Variants in ZNF536 observed in about 807,000 individuals in gnomAD.
ZNF536 encodes zinc finger protein 536.
A neutral mutation model predicts 84.5 loss-of-function variants in ZNF536; 13 were observed. That is an observed-to-expected ratio of 0.15 (90% CI 0.10 to 0.24). The LOEUF is 0.24. ZNF536 is among the 10% of genes least tolerant of loss of function. ZNF536 has a pLI of 1.00. For synonymous variants in ZNF536, 811 were observed against 742.5 expected, an observed-to-expected ratio of 1.09 and a Z score of -1.50; for missense variants, 1,536 against 1,747.5, an observed-to-expected ratio of 0.88 and a Z score of 2.16.
chr19:30,256,292 A>T (rs954241780), intron 1 of ZNF536, among the ~76,000 whole-genome samples: 1 of 152,232 alleles, frequency 6.6e-6, no homozygotes, highest in African/African-American at 2.4e-5. Flanking sequence ...AAGACGTCGT[A>T]TGCGATTCCT....
At chr19:30,308,747 G>C (rs924300393) in intron 2 of ZNF536, among the ~76,000 whole-genome samples, 8 of 152,304 alleles carry the variant, frequency 5.3e-5, no homozygotes, top group Admixed American at 2.6e-4. Context: ...AAGTCACTCT[G>C]TGGTCGCACA....
At chr19:30,685,147 G>T (rs878873595) in intron 1 of ZNF536, among the ~76,000 whole-genome samples, 4 of 152,190 alleles carry the variant, frequency 2.6e-5, no homozygotes, top group Non-Finnish European at 5.9e-5. Context: ...TCCTTTGGAA[G>T]AATTGGGTAA....
intron 1 of ZNF536, among the ~76,000 whole-genome samples, chr19:30,565,162 C>T (rs1395258708): frequency 6.9e-6 from 1 of 144,618 alleles, no homozygotes; most frequent in African/African-American, 2.5e-5. Context: ...GTGTAGACCC[C>T]TTTCCTTTTT....
At chr19:30,616,953 G>A (rs1282185458) in intron 1 of ZNF536, among the ~76,000 whole-genome samples, 3 of 151,944 alleles carry the variant, frequency 2.0e-5, no homozygotes, top group Admixed American at 2.0e-4. Flanking sequence ...TAAATATTGT[G>A]TTATTTTATA....
chr19:30,670,572 C>G (rs949131042), intron 1 of ZNF536, among the ~76,000 whole-genome samples: 2 of 152,252 alleles, frequency 1.3e-5, no homozygotes, highest in Non-Finnish European at 2.9e-5. Context: ...TGAGCTCCCC[C>G]GCAGACGGGT....
intron 1 of ZNF536, among the ~76,000 whole-genome samples, chr19:30,272,367 T>C (rs1253718016): frequency 1.3e-5 from 2 of 152,228 alleles, no homozygotes; most frequent in African/African-American, 4.8e-5. Flanking sequence ...TCCTCTGCTA[T>C]TAAATTTGTG....
chr19:30,500,223 A>C (rs1003467), intron 2 of ZNF536, among the ~76,000 whole-genome samples: 4,436 of 152,356 alleles, frequency 0.029, 85 homozygotes, highest in Non-Finnish European at 0.047. Context: ...ACCAAGATGC[A>C]GTGGATGGAC....
intron 2 of ZNF536, among the ~76,000 whole-genome samples, chr19:30,483,629 A>G (rs1204611984): frequency 6.6e-6 from 1 of 152,076 alleles, no homozygotes; most frequent in Non-Finnish European, 1.5e-5. Flanking sequence ...GAATCTCCAC[A>G]TTTGAGGTCT....
rs34995610 is a variant in ZNF536, at chr19:30,569,559, C to CTTTTTTTTTTTTTTTTTTTTTTT, written c.169+20053_169+20075dup. ...ATGGAATCGAAGCCAGATAAACGTTCTTTTTTTTTTTTTTTTTTTTTTTTT... is the reference window on the plus strand; with the variant it reads ...ATGGAATCGAAGCCAGATAAACGTTCTTTTTTTTTTTTTTTTTTTTTTTTTTTTTTTTTTTTTTTTTTTTTTTT... On this transcript the variant is annotated intron_variant, in intron 1 of 1. Coordinates refer to the ZNF536 transcript ENST00000592773. Among the ~76,000 whole-genome samples, 5 of 55,094 alleles carry CTTTTTTTTTTTTTTTTTTTTTTT rather than the reference C, an allele frequency of 9.1e-5. 1 individual carries two copies. Among genetic ancestry groups the CTTTTTTTTTTTTTTTTTTTTTTT allele is most frequent in the Admixed American group, 4.6e-4 (2 of 4,344 alleles). The allele number at this position is 55,094 out of a possible 152,430, so 36.1% of individuals were successfully genotyped here.
At chr19:30,281,884 C>T (rs772524262) in intron 1 of ZNF536, among the ~76,000 whole-genome samples, 17 of 152,172 alleles carry the variant, frequency 1.1e-4, no homozygotes, top group African/African-American at 3.4e-4. Flanking sequence ...CCTGGGTGGC[C>T]CCTCAGGTTG....
chr19:30,259,388 A>G (rs574424059), intron 1 of ZNF536, among the ~76,000 whole-genome samples: 1 of 152,328 alleles, frequency 6.6e-6, no homozygotes, highest in South Asian at 2.1e-4. Flanking sequence ...CCTGAGATGA[A>G]CTAGGACTGT....
Position 30,254,799 on chromosome 19 carries a change from G to C in ZNF536, c.-190+26126G>C, listed in dbSNP as rs530189391. Reference sequence around the variant, plus strand: ...AGAAGATGGTGACTAGATAAAGCCTGATCCCCACAGAAATAATTTTCATCA... The same window carrying C: ...AGAAGATGGTGACTAGATAAAGCCTCATCCCCACAGAAATAATTTTCATCA... On this transcript the variant is annotated intron_variant, in intron 1 of 5. Coordinates refer to the ZNF536 transcript ENST00000585628. Among the ~76,000 whole-genome samples the C allele has an allele frequency of 2.6e-5, 4 of 152,274 alleles. No individual in the cohort carries two copies. In the South Asian group the frequency reaches 8.3e-4, roughly 32 times the overall value.
At chr19:30,265,185 C>T (rs2025447515) in intron 1 of ZNF536, among the ~76,000 whole-genome samples, 1 of 152,104 alleles carries the variant, frequency 6.6e-6, no homozygotes, top group Non-Finnish European at 1.5e-5. Flanking sequence ...AGGGGAACAG[C>T]AGCTCCAGCC....
At position 30,635,341 on chromosome 19, in the gene ZNF536, G is replaced by A. The variant is rs534428744; in HGVS notation, c.170-75416G>A. Among the ~76,000 whole-genome samples, 96 of 152,316 alleles carry A rather than the reference G, an allele frequency of 6.3e-4. No homozygotes were observed. The South Asian group carries it at 0.02, about 32-fold the overall frequency. ...ACAGTCCAATTCTGCTCTTTTTGGA[G>A]TTTATCATTTATTTGGATTTTGTGG... On this transcript the variant is annotated intron_variant, in intron 1 of 1. Coordinates refer to the ZNF536 transcript ENST00000592773.
In ZNF536 at chr19:30,301,479, C is replaced by T. The variant is rs16964085; in HGVS notation, c.-120+17338C>T. Among the ~76,000 whole-genome samples the T allele has an allele frequency of 9.5e-3, 1,449 of 152,200 alleles. 26 individuals are homozygous for T. The highest frequency in any genetic ancestry group is 0.033 in the African/African-American group (1,387 of 41,514). ...TACAATTTAGCTTTAACAACTCTTG[C>T]GAATTGCATGACTGCACATTCCGTG... On this transcript the variant is annotated intron_variant, in intron 2 of 5. Coordinates refer to the ZNF536 transcript ENST00000585628.
At chr19:30,700,167 C>A (rs2051847610) in intron 1 of ZNF536, among the ~76,000 whole-genome samples, 1 of 143,600 alleles carries the variant, frequency 7.0e-6, no homozygotes, top group African/African-American at 2.6e-5. Flanking sequence ...TCTTTCTTTT[C>A]TTTCCTTCTT....
At chr19:30,465,973 A>T in intron 2 of ZNF536, among the ~76,000 whole-genome samples, 1 of 152,106 alleles carries the variant, frequency 6.6e-6, no homozygotes, top group East Asian at 1.9e-4. Context: ...GATGGTCTCG[A>T]TCTCCTGACC....
At chr19:30,464,184 C>T (rs747311812) in intron 2 of ZNF536, among the ~76,000 whole-genome samples, 11 of 152,082 alleles carry the variant, frequency 7.2e-5, no homozygotes, top group Middle Eastern at 3.2e-3. Flanking sequence ...TCGCTGCTTA[C>T]GGGTTTAGCT....
chr19:30,395,475 C>T (rs571741698), intron 1 of ZNF536, among the ~76,000 whole-genome samples: 130 of 152,314 alleles, frequency 8.5e-4, no homozygotes, highest in Admixed American at 1.9e-3. Flanking sequence ...ACTGTGCCTC[C>T]TGCAGGAAGA....
Sources: allele counts gnomAD v4.1 joint callset (sites outside exome capture counted in the v4.1 genomes callset), GRCh38; gene constraint gnomAD v4.1.1; transcripts MANE v1.5; gene names NCBI Gene and HGNC (gene_info 2026-07-23, HGNC 2026-07-21).